LUZP2: variants seen among roughly 807,000 people sequenced by gnomAD.
The protein encoded by LUZP2 is leucine zipper protein 2.
A neutral mutation model predicts 51.6 loss-of-function variants in LUZP2; 52 were observed. The ratio of observed to expected loss-of-function variants is 1.01; its 90% CI spans 0.81 to 1.27. The LOEUF (loss-of-function observed/expected upper bound fraction) is 1.27, where lower values mean the gene tolerates loss of function less well. LUZP2 is among the 50% of genes most tolerant of loss of function. The probability of loss-of-function intolerance (pLI) is 0.00; values close to 1 mark genes in which losing one functional copy is unlikely to be tolerated. For synonymous variants in LUZP2, 154 were observed against 137.3 expected (o/e 1.12, Z -0.85); for missense variants, 436 against 395.4 (o/e 1.10, Z -0.87).
intron 5 of LUZP2, among the ~76,000 whole-genome samples, chr11:24,853,502 C>A (rs548169922): frequency 6.6e-6 from 1 of 152,140 alleles, no homozygotes; most frequent in Non-Finnish European, 1.5e-5. Flanking sequence ...AAATGGGTTA[C>A]TCTAGTTAGC....
chr11:25,019,230 A>T (rs1857256937), intron 9 of LUZP2, among the ~76,000 whole-genome samples: 1 of 152,226 alleles, frequency 6.6e-6, no homozygotes, highest in Non-Finnish European at 1.5e-5. Flanking sequence ...GACAGTAAAC[A>T]GAATCTATCA....
At chr11:24,963,406 G>A (rs1469886571) in intron 7 of LUZP2, among the ~76,000 whole-genome samples, 1 of 152,192 alleles carries the variant, frequency 6.6e-6, no homozygotes, top group Non-Finnish European at 1.5e-5. Flanking sequence ...CTTGAGCTGT[G>A]GTGGGCTCCA....
intron 1 of LUZP2, among the ~76,000 whole-genome samples, chr11:24,725,675 G>C (rs1054707629): frequency 1.3e-5 from 2 of 152,030 alleles, no homozygotes; most frequent in South Asian, 4.2e-4. Flanking sequence ...ACCCAGAGTG[G>C]ACAAGAATCT....
At chr11:25,038,120 T>C (rs541954311) in intron 9 of LUZP2, among the ~76,000 whole-genome samples, 4 of 152,210 alleles carry the variant, frequency 2.6e-5, no homozygotes, top group African/African-American at 4.8e-5. Context: ...TGGCTTTTTA[T>C]CTCTCCTCTC....
intron 1 of LUZP2, among the ~76,000 whole-genome samples, chr11:24,592,053 G>A (rs977672011): frequency 1.3e-5 from 2 of 152,200 alleles, no homozygotes; most frequent in Non-Finnish European, 2.9e-5. Flanking sequence ...CAGTGAGGGT[G>A]TTGGTAGGAA....
intron 1 of LUZP2, among the ~76,000 whole-genome samples, chr11:24,521,971 G>A (rs762794086): frequency 2.0e-5 from 3 of 151,890 alleles, no homozygotes; most frequent in Non-Finnish European, 2.9e-5. Flanking sequence ...TATATTTTTC[G>A]AATCAGTGGA....
intron 9 of LUZP2, among the ~76,000 whole-genome samples, chr11:25,045,859 C>CA (rs570411714): frequency 1.3e-5 from 2 of 152,118 alleles, no homozygotes; most frequent in South Asian, 4.2e-4. Flanking sequence ...TGGTTACATG[C>CA]AAAAAATACT....
At chr11:24,880,235 C>T (rs555043338) in intron 5 of LUZP2, among the ~76,000 whole-genome samples, 2 of 152,140 alleles carry the variant, frequency 1.3e-5, no homozygotes, top group South Asian at 4.1e-4. Flanking sequence ...TGCTGTGACA[C>T]TGAGTTTAGT....
chr11:24,811,099 G>A (rs1381359803), intron 5 of LUZP2, among the ~76,000 whole-genome samples: 7 of 152,072 alleles, frequency 4.6e-5, no homozygotes, highest in African/African-American at 7.2e-5. Context: ...ATAGACTTCA[G>A]GTTGTTATTG....
At chr11:25,045,243 A>G (rs535495195) in intron 9 of LUZP2, among the ~76,000 whole-genome samples, 2 of 152,150 alleles carry the variant, frequency 1.3e-5, no homozygotes, top group Non-Finnish European at 1.5e-5. Context: ...TAATTAATGT[A>G]TATACATGAT....
chr11:24,875,056 T>G (rs1056364375), intron 5 of LUZP2, among the ~76,000 whole-genome samples: 1 of 152,146 alleles, frequency 6.6e-6, no homozygotes, highest in Non-Finnish European at 1.5e-5. Context: ...CTAGCCCCTT[T>G]CAATTTGTAT....
At chr11:24,738,478 G>T (rs532872783) in intron 4 of LUZP2, among the ~76,000 whole-genome samples, 176 bp downstream of exon 4, 1 of 152,180 alleles carries the variant, frequency 6.6e-6, no homozygotes, top group Admixed American at 6.6e-5. Flanking sequence ...TCCTGGAAAA[G>T]GTTAGTGTTT....
At chr11:24,906,177 G>T (rs925586310) in intron 6 of LUZP2, 124 bp downstream of exon 6, 3 of 499,988 alleles carry the variant, frequency 6.0e-6, no homozygotes, top group African/African-American at 2.0e-5. Context: ...TTTTTAAATA[G>T]AAAAATATAA....
In LUZP2 at chr11:25,023,883, C is replaced by T. The variant is rs183340560; in HGVS notation, c.766-26155C>T. Among the ~76,000 whole-genome samples the T allele has an allele frequency of 1.0e-3, 152 of 152,136 alleles. 3 individuals carry two copies. In the East Asian group the frequency reaches 0.028, roughly 29 times the overall value. On this transcript the variant is annotated intron_variant, in intron 9 of 11. Coordinates refer to ENST00000336930, the MANE Select transcript of LUZP2 (RefSeq NM_001009909.4). ...AATATCTTTATTTCTGTCTTCATTT[C>T]GTTATGTACCCATTAGTCATTCAGG...
intron 9 of LUZP2, among the ~76,000 whole-genome samples, chr11:25,040,238 A>C (rs1428738233): frequency 6.6e-6 from 1 of 151,782 alleles, no homozygotes; most frequent in Non-Finnish European, 1.5e-5. Flanking sequence ...CAAAGCAATG[A>C]CTTGCTTGGC....
At chr11:24,722,554 G>A (rs1858315836) in intron 1 of LUZP2, among the ~76,000 whole-genome samples, 1 of 152,122 alleles carries the variant, frequency 6.6e-6, no homozygotes, top group African/African-American at 2.4e-5. Context: ...AGATTTGGGA[G>A]GGGACACAGC....
At chr11:24,790,470 T>C (rs1332893021) in intron 5 of LUZP2, among the ~76,000 whole-genome samples, 2 of 152,002 alleles carry the variant, frequency 1.3e-5, no homozygotes, top group Middle Eastern at 3.4e-3. Context: ...ATCTCACTGA[T>C]CATTCTTCTT....
intron 1 of LUZP2, among the ~76,000 whole-genome samples, chr11:24,720,958 A>G (rs546982292): frequency 6.6e-6 from 1 of 152,320 alleles, no homozygotes; most frequent in South Asian, 2.1e-4. Context: ...AAGTGCTGGG[A>G]TTACAAGCGT....
At chr11:24,623,210 C>T (rs920374559) in intron 1 of LUZP2, among the ~76,000 whole-genome samples, 1 of 151,408 alleles carries the variant, frequency 6.6e-6, no homozygotes, top group African/African-American at 2.4e-5. Context: ...CCACCACATT[C>T]TCAGAGTAGG....
Sources: gnomAD v4.1 joint callset for allele counts (sites outside exome capture counted in the v4.1 genomes callset) on GRCh38, gnomAD v4.1.1 for gene constraint, MANE v1.5 for transcripts, NCBI Gene and HGNC (gene_info 2026-07-23, HGNC 2026-07-21) for gene names.